Variants in SLC22A2 observed in about 807,000 individuals in gnomAD.
SLC22A2 encodes the protein solute carrier family 22 member 2.
In SLC22A2, 46 loss-of-function variants were observed where a neutral mutation model predicts 60.5. That is an observed-to-expected ratio of 0.76 (90% CI 0.60 to 0.97). SLC22A2 has a LOEUF of 0.97. Among genes scored for constraint, SLC22A2 ranks in the 50% least tolerant of loss-of-function variants. The pLI is 0.00. For synonymous variants in SLC22A2, 303 were observed against 267.0 expected (o/e 1.13, Z -1.31); for missense variants, 701 against 706.6 (o/e 0.99, Z 0.09).
chr6:160,248,410 G>T (rs982042543), intron 4 of SLC22A2, among the ~76,000 whole-genome samples: 1 of 152,210 alleles, frequency 6.6e-6, no homozygotes, highest in Non-Finnish European at 1.5e-5. Context: ...TTTTGTCACT[G>T]CAGTCTGAGC....
intron 10 of SLC22A2, among the ~76,000 whole-genome samples, chr6:160,218,976 C>T: frequency 6.6e-6 from 1 of 152,304 alleles, no homozygotes; most frequent in Non-Finnish European, 1.5e-5. Flanking sequence ...GCAGCAGCAG[C>T]AATCATTACC....
chr6:160,224,554 A>G (rs933330773), intron 10 of SLC22A2, 151 bp downstream of exon 10: 1 of 432,968 alleles, frequency 2.3e-6, no homozygotes, highest in African/African-American at 2.0e-5. Flanking sequence ...AATTTTACTA[A>G]TTTTTTTGAT....
intron 10 of SLC22A2, among the ~76,000 whole-genome samples, chr6:160,222,247 G>A (rs976701460): frequency 4.6e-5 from 7 of 152,138 alleles, no homozygotes; most frequent in African/African-American, 1.2e-4. Flanking sequence ...GGAACCAATC[G>A]ACACTTAATT....
chr6:160,224,698 T>G lies in SLC22A2; in HGVS notation c.1601+7A>C, dbSNP rs1245945957. The G allele has an allele frequency of 4.4e-6, 7 of 1,587,394 alleles. No individual in the cohort carries two copies. Among genetic ancestry groups the G allele is most frequent in the Non-Finnish European group, 1.7e-6 (2 of 1,162,148 alleles). On this transcript the variant is annotated splice_region_variant and intron_variant, in intron 10 of 10. Coordinates refer to ENST00000366953, the MANE Select transcript of SLC22A2 (RefSeq NM_003058.4). ...GAACAATTCATTTAGAACTTTCAAC[T>G]GCCTACCTTTGCATATTTTCGGCTT...
At position 160,255,192 on chromosome 6, in the gene SLC22A2, G is replaced by A. The variant is rs9346814; in HGVS notation, c.518+1422C>T. ...TCACCTTGCAAGCCTCCCGCAGAAA[G>A]CCCCAGGAAGAGCCTTGTCAGGGCA... On this transcript the variant is annotated intron_variant, in intron 2 of 10. Coordinates refer to ENST00000366953, the MANE Select transcript of SLC22A2 (RefSeq NM_003058.4). Among the ~76,000 whole-genome samples the A allele has an allele frequency of 3.7e-3, 571 of 152,314 alleles. 25 individuals carry two copies. The East Asian group carries it at 0.093, about 25-fold the overall frequency.
At chr6:160,229,678 C>T (rs1782787856) in intron 9 of SLC22A2, among the ~76,000 whole-genome samples, 1 of 151,744 alleles carries the variant, frequency 6.6e-6, no homozygotes, top group Non-Finnish European at 1.5e-5. Context: ...TGTCTCTACT[C>T]TCTCTTTTCT....
intron 3 of SLC22A2, 145 bp from the exon 4 acceptor site, chr6:160,249,529 T>C (rs1783150972): frequency 1.5e-6 from 1 of 673,794 alleles, no homozygotes. Context: ...TTTAAGTGTT[T>C]TTTGGTTTTT....
At chr6:160,256,578 G>T in intron 2 of SLC22A2, 36 bp downstream of exon 2, 1 of 1,447,360 alleles carries the variant, frequency 6.9e-7, no homozygotes, top group Non-Finnish European at 9.7e-7. Flanking sequence ...AAACCTTTGG[G>T]ATTGTTTAAA....
At chr6:160,225,072 TA>T (rs1782702161) in intron 9 of SLC22A2, among the ~76,000 whole-genome samples, 1 of 152,156 alleles carries the variant, frequency 6.6e-6, no homozygotes. Context: ...GCCACCATAT[TA>T]AGATACTTTG....
intron 9 of SLC22A2, among the ~76,000 whole-genome samples, chr6:160,226,145 C>A (rs142731109): frequency 6.6e-5 from 10 of 152,248 alleles, no homozygotes; most frequent in South Asian, 2.1e-4. Flanking sequence ...CTGACACCAC[C>A]CAAATTGATA....
chr6:160,242,458 C>T (rs1158335084), intron 7 of SLC22A2, 56 bp from the exon 8 acceptor site: 10 of 1,006,462 alleles, frequency 9.9e-6, no homozygotes, highest in Non-Finnish European at 1.6e-5. Context: ...CATCTTCAGA[C>T]AGTGCTCCAG....
At chr6:160,229,123 G>A (rs182081838) in intron 9 of SLC22A2, among the ~76,000 whole-genome samples, 30 of 151,940 alleles carry the variant, frequency 2.0e-4, no homozygotes, top group Non-Finnish European at 3.2e-4. Flanking sequence ...TCTTTGCTCT[G>A]TGAGAAAGAT....
chr6:160,231,496 C>T (rs932511952), intron 9 of SLC22A2, among the ~76,000 whole-genome samples: 6 of 151,890 alleles, frequency 4.0e-5, no homozygotes, highest in African/African-American at 9.7e-5. Flanking sequence ...TCTCATCCTG[C>T]AGCATGCTTT....
intron 9 of SLC22A2, among the ~76,000 whole-genome samples, chr6:160,226,343 C>A (rs1339978095): frequency 6.6e-6 from 1 of 152,258 alleles, no homozygotes; most frequent in South Asian, 2.1e-4. Context: ...TAATAAAACT[C>A]CAGTCTCCCA....
At chr6:160,223,769 C>A (rs1316838562) in intron 10 of SLC22A2, among the ~76,000 whole-genome samples, 1 of 152,014 alleles carries the variant, frequency 6.6e-6, no homozygotes, top group Non-Finnish European at 1.5e-5. Flanking sequence ...GCTTTGTCGC[C>A]CAGGCTGGAG....
At position 160,249,284 on chromosome 6, in the gene SLC22A2, T is replaced by G; in HGVS notation, c.774A>C (p.Ala258=). ...GLLVLAGVAY[A]LPHWRWLQFT... ...ACTGCAACCACCTCCAGTGAGGAAG[T>G]GCGTAAGCCACCCCAGCTAGCACCA... Residue 258 remains alanine (A), a synonymous_variant, in exon 4 of 11, where the codon GCA becomes GCC. Transcript: ENST00000366953. 1 of 1,613,314 alleles carries G rather than the reference T, an allele frequency of 6.2e-7. No individual in the cohort carries two copies. Among genetic ancestry groups the G allele is most frequent in the Non-Finnish European group, 8.5e-7 (1 of 1,179,412 alleles).
chr6:160,258,546 A>T lies in SLC22A2; in HGVS notation c.212T>A (p.Leu71Gln), dbSNP rs762784781. The change falls in exon 1 of 11, where the codon CTG becomes CAG. Residue 71 changes from leucine to glutamine, a missense_variant. Coordinates refer to ENST00000366953, the MANE Select transcript of SLC22A2 (RefSeq NM_003058.4). Reference protein sequence around the residue: ...LRCGWSPAEELNYTVPGPGPA... With the variant: ...LRCGWSPAEEQNYTVPGPGPA... ...TCCTGGGCCCGGCACCGTGTAGTTCAGTTCCTCTGCAGGACTCCAGCCGCA... is the reference window on the plus strand; with the variant it reads ...TCCTGGGCCCGGCACCGTGTAGTTCTGTTCCTCTGCAGGACTCCAGCCGCA... 6.2e-7 allele frequency: 1 copy of T among 1,613,864 alleles called. No homozygotes were observed. Among genetic ancestry groups the T allele is most frequent in the Non-Finnish European group, 8.5e-7 (1 of 1,179,858 alleles).
At chr6:160,235,689 A>C (rs2114858777) in intron 9 of SLC22A2, among the ~76,000 whole-genome samples, 1 of 151,652 alleles carries the variant, frequency 6.6e-6, no homozygotes, top group South Asian at 2.1e-4. Context: ...GGTTTTTCTT[A>C]CAGCACTGAT....
chr6:160,222,787 C>T (rs316002), intron 10 of SLC22A2, among the ~76,000 whole-genome samples: 18,242 of 152,200 alleles, frequency 0.12, 1,465 homozygotes, highest in Non-Finnish European at 0.17. Flanking sequence ...GAAAGCCAAG[C>T]GATCATTCAG....
Sources: gnomAD v4.1 joint callset for allele counts (sites outside exome capture counted in the v4.1 genomes callset) on GRCh38, gnomAD v4.1.1 for gene constraint, MANE v1.5 for transcripts, NCBI Gene and HGNC (gene_info 2026-07-23, HGNC 2026-07-21) for gene names.